Variants in CD6 observed in about 807,000 individuals in gnomAD.
CD6 encodes the protein T-cell differentiation antigen CD6.
Under a neutral mutation model 75.3 loss-of-function variants are expected in CD6, and 53 were observed. That is an observed-to-expected ratio of 0.70 (90% confidence interval 0.56 to 0.88). The LOEUF (loss-of-function observed/expected upper bound fraction) is 0.88, where lower values mean the gene tolerates loss of function less well. CD6 is among the 40% of genes least tolerant of loss of function. The probability of loss-of-function intolerance (pLI) is 0.00; values close to 1 mark genes in which losing one functional copy is unlikely to be tolerated. For synonymous variants in CD6, 359 were observed against 381.5 expected, an observed-to-expected ratio of 0.94 and a Z score of 0.69; for missense variants, 770 against 897.1, an observed-to-expected ratio of 0.86 and a Z score of 1.81.
In CD6 at chr11:61,015,737, A is replaced by C; in HGVS notation, c.1412A>C (p.Gln471Pro). ...KEVFMLPIQV[Q>P]APPPEDSDSG... ...GTTTTCATGCTGCCCATCCAGGTCC[A>C]GGCCCCGCCCCCTGAGGACTCAGAC... Residue 471 changes from glutamine to proline, a missense_variant, in exon 9 of 13, where the codon CAG becomes CCG. By Grantham distance (76) the Gln-to-Pro change is moderately conservative. Transcript: ENST00000313421. The C allele has an allele frequency of 6.2e-7, 1 of 1,614,182 alleles. No homozygotes were observed. Among genetic ancestry groups the C allele is most frequent in the African/African-American group, 1.3e-5 (1 of 75,034 alleles).
Position 61,007,960 on chromosome 11 carries a change from C to T in CD6, c.469+50C>T, listed in dbSNP as rs1858951052. The T allele has an allele frequency of 2.6e-6, 3 of 1,168,720 alleles. No homozygotes were observed. The highest frequency in any genetic ancestry group is 4.1e-5 in the Admixed American group (1 of 24,110). 72.4% of individuals were successfully genotyped at this position (1,168,720 alleles called of 1,614,324 possible). ...CCCCCACCTGCCCCACTCCCCAGGCCTTCAGCCACTGCCCCTGGCTCCAGA... is the reference window on the plus strand; with the variant it reads ...CCCCCACCTGCCCCACTCCCCAGGCTTTCAGCCACTGCCCCTGGCTCCAGA... On this transcript the variant is annotated intron_variant, in intron 3 of 12. Transcript: ENST00000313421. This position sits in a 1 kb window ranked among gnomAD's most constrained non-coding sequence, Gnocchi z 4.2.
chr11:61,003,262 G>T (rs1858682967), intron 1 of CD6, among the ~76,000 whole-genome samples: 1 of 151,910 alleles, frequency 6.6e-6, no homozygotes, highest in South Asian at 2.1e-4. Context: ...ACCACGCCCA[G>T]CCCTAATCAA....
intron 1 of CD6, chr11:60,982,833 GGGAC>G: frequency 1.2e-4 from 2 of 16,512 alleles, no homozygotes; most frequent in African/African-American, 1.2e-3. Context: ...CCAGTCTGCA[GGGAC>G]TCTTTCCAGG....
chr11:61,019,230 T>C, intron 12 of CD6, 24 bp from the exon 13 acceptor site: 2 of 1,600,020 alleles, frequency 1.2e-6, no homozygotes, highest in Non-Finnish European at 1.7e-6. Flanking sequence ...GGTCTCCCAC[T>C]AATCTGGGCC....
In CD6 at chr11:61,017,782, C is replaced by A. The variant is rs748321406; in HGVS notation, c.1606C>A (p.His536Asn). The A allele has an allele frequency of 6.2e-7, 1 of 1,614,108 alleles. No individual in the cohort carries two copies. The highest frequency in any genetic ancestry group is 8.5e-7 in the Non-Finnish European group (1 of 1,180,030). The change falls in exon 11 of 13, where the codon CAC (histidine) becomes AAC (asparagine). Residue 536 changes from histidine (H) to asparagine (N), a missense_variant. His to Asn is a moderately conservative substitution (Grantham distance 68). Transcript: ENST00000313421. ...AGGACTTGAAGAGTTGCATGCCTCC[C>A]ACATCCCAACTGCCAACCCTGGACA... Reference protein sequence around the residue: ...EEGLEELHASHIPTANPGHCI... With the variant: ...EEGLEELHASNIPTANPGHCI...
chr11:60,992,493 G>T (rs963059518), intron 1 of CD6, among the ~76,000 whole-genome samples: 8 of 152,086 alleles, frequency 5.3e-5, no homozygotes, highest in Admixed American at 4.6e-4. Context: ...GTGGTAGATG[G>T]TTTTTTCCCA....
chr11:60,983,253 C>T (rs1207638665), intron 1 of CD6, among the ~76,000 whole-genome samples: 1 of 151,890 alleles, frequency 6.6e-6, no homozygotes, highest in African/African-American at 2.4e-5. Flanking sequence ...CGCACCACCA[C>T]GCTAGTTTTT....
At chr11:60,984,165 T>G (rs971638271) in intron 1 of CD6, among the ~76,000 whole-genome samples, 1 of 152,200 alleles carries the variant, frequency 6.6e-6, no homozygotes, top group Non-Finnish European at 1.5e-5. Context: ...TTTGAGAATA[T>G]GTAAATATCT....
chr11:60,973,859 G>A (rs1857275519), intron 1 of CD6, among the ~76,000 whole-genome samples: 2 of 152,162 alleles, frequency 1.3e-5, no homozygotes, highest in South Asian at 2.1e-4. Context: ...GAAAAATATG[G>A]CCTCTCCAGG....
intron 1 of CD6, chr11:60,982,492 G>A (rs945758546): frequency 4.3e-5 from 19 of 438,424 alleles, no homozygotes; most frequent in South Asian, 2.9e-4. Context: ...CCTCTTTCAG[G>A]AGGGGTGCCT....
intron 1 of CD6, among the ~76,000 whole-genome samples, chr11:60,997,392 AT>A (rs1269642910): frequency 3.3e-5 from 5 of 149,868 alleles, no homozygotes; most frequent in African/African-American, 9.7e-5. Flanking sequence ...AAAAAAAAAA[AT>A]AAAATAAAAT....
intron 1 of CD6, among the ~76,000 whole-genome samples, chr11:60,997,390 A>T (rs946384922): frequency 1.3e-5 from 2 of 149,988 alleles, no homozygotes; most frequent in Non-Finnish European, 3.0e-5. Flanking sequence ...AAAAAAAAAA[A>T]AATAAAATAA....
At chr11:61,003,713 G>A (rs150553295) in intron 1 of CD6, among the ~76,000 whole-genome samples, 2,182 of 152,306 alleles carry the variant, frequency 0.014, 54 homozygotes, top group African/African-American at 0.05. Flanking sequence ...CAGCCTGGGC[G>A]ACAGAGCGAG....
chr11:61,006,204 A>C (rs1858848692), intron 1 of CD6, among the ~76,000 whole-genome samples: 1 of 152,226 alleles, frequency 6.6e-6, no homozygotes, highest in South Asian at 2.1e-4. Flanking sequence ...CAGTCTCACA[A>C]TATTTTCCTA....
Position 61,013,949 on chromosome 11 carries a change from T to C in CD6, c.1322T>C (p.Leu441Pro). ...ALPVMVNHQHLPTTIPAGSNS... is the reference protein window; with the variant it reads ...ALPVMVNHQHPPTTIPAGSNS... ...CCCGTAATGGTGAACCACCAGCACC[T>C]ACCCACCACCATCCCGGCAGGGAGC... Residue 441 changes from leucine (L) to proline (P), a missense_variant, in exon 8 of 13, where the codon CTA becomes CCA. Coordinates refer to ENST00000313421, the MANE Select transcript of CD6 (RefSeq NM_006725.5). 1 of 1,613,474 alleles carries C rather than the reference T, an allele frequency of 6.2e-7. No individual in the cohort carries two copies. Among genetic ancestry groups the C allele is most frequent in the Non-Finnish European group, 8.5e-7 (1 of 1,179,776 alleles).
chr11:61,004,951 T>C (rs904817812), intron 1 of CD6, among the ~76,000 whole-genome samples: 6 of 152,098 alleles, frequency 3.9e-5, no homozygotes, highest in African/African-American at 1.2e-4. Flanking sequence ...CCAACCTAAG[T>C]GCAAGAGAAA....
intron 1 of CD6, among the ~76,000 whole-genome samples, chr11:60,981,098 C>T (rs915691428): frequency 1.2e-4 from 18 of 152,266 alleles, no homozygotes; most frequent in Admixed American, 9.8e-4. Flanking sequence ...ACGGAAGGTG[C>T]GCCACAAAAT....
intron 1 of CD6, among the ~76,000 whole-genome samples, chr11:60,986,157 C>T (rs1344396778): frequency 6.6e-6 from 1 of 152,194 alleles, no homozygotes; most frequent in Non-Finnish European, 1.5e-5. Context: ...GTGATGTAAA[C>T]ATTAGTCATC....
In CD6 at chr11:61,011,368, G is replaced by C. The variant is rs1215036785; in HGVS notation, c.1150+233G>C. ...GATCACTGAGTCCTGATACTTCCTG[G>C]ACAGAAGTCCATTCCCCCACTTTCC... On this transcript the variant is annotated intron_variant, in intron 6 of 12. Coordinates refer to ENST00000313421, the MANE Select transcript of CD6 (RefSeq NM_006725.5). Among the ~76,000 whole-genome samples, 5 of 152,072 alleles carry C rather than the reference G, an allele frequency of 3.3e-5. No individual in the cohort carries two copies. In the East Asian group the frequency reaches 9.6e-4, roughly 29 times the overall value.
Sources: allele counts gnomAD v4.1 joint callset (sites outside exome capture counted in the v4.1 genomes callset), GRCh38; gene constraint gnomAD v4.1.1; non-coding constraint Gnocchi (gnomAD v3.1); transcripts MANE v1.5; gene names NCBI Gene and HGNC (gene_info 2026-07-23, HGNC 2026-07-21).